USP33: variants seen among roughly 807,000 people sequenced by gnomAD.
The protein encoded by USP33 is ubiquitin carboxyl-terminal hydrolase 33.
USP33 carries 46 observed loss-of-function variants against 124.2 expected under a neutral mutation model. The observed-to-expected ratio is 0.37, with a 90% CI of 0.29 to 0.47. USP33 has a LOEUF of 0.47. USP33 is among the 20% of genes least tolerant of loss of function. The pLI is 0.99. For missense variants in USP33, 851 were observed against 1,070.6 expected, an observed-to-expected ratio of 0.79 and a Z score of 2.86; for synonymous variants, 350 against 352.3, an observed-to-expected ratio of 0.99 and a Z score of 0.07.
chr1:77,696,372 T>C lies in USP33; in HGVS notation c.*945A>G, dbSNP rs1369770011. 2 of 152,656 alleles carry C rather than the reference T, an allele frequency of 1.3e-5. No homozygotes were observed. The highest frequency in any genetic ancestry group is 1.5e-5 in the Non-Finnish European group (1 of 68,044). 9.5% of individuals were successfully genotyped at this position (152,656 alleles called of 1,614,324 possible). ...TTACAGGAATTGAAGTTTAACATTGTACAATATAAGCGGCAATAAGTTACT... is the reference window on the plus strand; with the variant it reads ...TTACAGGAATTGAAGTTTAACATTGCACAATATAAGCGGCAATAAGTTACT... On this transcript the variant is annotated 3_prime_UTR_variant, in exon 24 of 24. Transcript: ENST00000370794.
intron 12 of USP33, among the ~76,000 whole-genome samples, chr1:77,723,110 G>T (rs1676759054): frequency 6.6e-6 from 1 of 152,154 alleles, no homozygotes; most frequent in African/African-American, 2.4e-5. Context: ...AGGATAATAT[G>T]TGCCTGTCCA....
chr1:77,710,251 A>G (rs1675103582), intron 21 of USP33, among the ~76,000 whole-genome samples: 1 of 151,972 alleles, frequency 6.6e-6, no homozygotes. Flanking sequence ...GGTTATAAAC[A>G]CCATTCTTGG....
chr1:77,751,882 G>A (rs1455300315), intron 1 of USP33, among the ~76,000 whole-genome samples: 3 of 151,958 alleles, frequency 2.0e-5, no homozygotes, highest in African/African-American at 7.2e-5. Context: ...TAGAGATGGG[G>A]TTTCACTGTG....
At chr1:77,759,358 C>G in intron 1 of USP33, 3 of 376,016 alleles carry the variant, frequency 8.0e-6, no homozygotes, top group Non-Finnish European at 1.4e-5. Flanking sequence ...CTGCACCTCC[C>G]GCTTCCAGGG....
intron 22 of USP33, among the ~76,000 whole-genome samples, chr1:77,700,688 T>C (rs564807819): frequency 1.7e-3 from 264 of 150,938 alleles, no homozygotes; most frequent in South Asian, 4.0e-3. Flanking sequence ...CTTTTTCACA[T>C]ATCAGAATCT....
chr1:77,756,530 C>CG, intron 1 of USP33, among the ~76,000 whole-genome samples: 1 of 152,160 alleles, frequency 6.6e-6, no homozygotes, highest in East Asian at 1.9e-4. Context: ...CAAGCCCTAC[C>CG]TAACCAGTGT....
chr1:77,744,201 T>G (rs186637410), intron 1 of USP33, among the ~76,000 whole-genome samples: 1 of 150,802 alleles, frequency 6.6e-6, no homozygotes, highest in East Asian at 1.9e-4. Flanking sequence ...GAACAAAGCT[T>G]AAGGACATTT....
intron 9 of USP33, among the ~76,000 whole-genome samples, chr1:77,729,266 C>T (rs1215685894): frequency 6.6e-6 from 1 of 150,470 alleles, no homozygotes; most frequent in Non-Finnish European, 1.5e-5. Context: ...GATGCAGGGG[C>T]TTATGCTTGT....
At chr1:77,740,413 G>C (rs1328354064) in intron 4 of USP33, among the ~76,000 whole-genome samples, 4 of 151,598 alleles carry the variant, frequency 2.6e-5, no homozygotes, top group Non-Finnish European at 5.9e-5. Flanking sequence ...GAGTGCAATG[G>C]CACGATCTCG....
intron 22 of USP33, among the ~76,000 whole-genome samples, chr1:77,699,212 T>TGCC (rs1673740292): frequency 2.6e-5 from 4 of 152,150 alleles, no homozygotes. Context: ...TCAGTCAGAA[T>TGCC]GCCAGTTATT....
At chr1:77,732,326 TA>T (rs1677918866) in intron 7 of USP33, among the ~76,000 whole-genome samples, 1 of 152,086 alleles carries the variant, frequency 6.6e-6, no homozygotes, top group South Asian at 2.1e-4. Flanking sequence ...ATCATCCTCC[TA>T]AAAGTGTTTA....
At chr1:77,741,120 A>G (rs1350997372) in intron 3 of USP33, among the ~76,000 whole-genome samples, 181 bp from the exon 4 acceptor site, 1 of 152,224 alleles carries the variant, frequency 6.6e-6, no homozygotes, top group Non-Finnish European at 1.5e-5. Flanking sequence ...AAACCAGGAT[A>G]TATTTCTAAG....
At chr1:77,735,771 A>G (rs2101517630) in intron 6 of USP33, among the ~76,000 whole-genome samples, 1 of 152,212 alleles carries the variant, frequency 6.6e-6, no homozygotes, top group South Asian at 2.1e-4. Context: ...CTGACAATAG[A>G]AAAATGAGAA....
intron 21 of USP33, among the ~76,000 whole-genome samples, chr1:77,711,112 A>C (rs1401739587): frequency 1.3e-5 from 2 of 152,350 alleles, no homozygotes; most frequent in Non-Finnish European, 2.9e-5. Flanking sequence ...TAGTACATGC[A>C]GTCTGGATAG....
chr1:77,750,182 G>A (rs1268011911), intron 1 of USP33, among the ~76,000 whole-genome samples: 1 of 152,090 alleles, frequency 6.6e-6, no homozygotes, highest in Non-Finnish European at 1.5e-5. Flanking sequence ...GCCGTGCATA[G>A]TGGTGGGTGC....
chr1:77,725,538 A>T, intron 11 of USP33, 84 bp downstream of exon 11: 1 of 1,467,444 alleles, frequency 6.8e-7, no homozygotes, highest in Non-Finnish European at 9.2e-7. Flanking sequence ...TTTCATAATT[A>T]ACACTTTAAA....
At chr1:77,698,857 G>A (rs115715356) in intron 22 of USP33, among the ~76,000 whole-genome samples, 3,826 of 152,068 alleles carry the variant, frequency 0.025, 122 homozygotes, top group African/African-American at 0.088. Flanking sequence ...TACCACTAAT[G>A]CTATAAAATA....
chr1:77,735,793 A>G (rs1452304921), intron 6 of USP33, among the ~76,000 whole-genome samples: 1 of 152,224 alleles, frequency 6.6e-6, no homozygotes, highest in Non-Finnish European at 1.5e-5. Context: ...CACTGTTCAA[A>G]CAGACCTCAA....
In USP33 at chr1:77,748,182, G is replaced by A. The variant is rs562544443; in HGVS notation, c.-51-6434C>T. Among the ~76,000 whole-genome samples the A allele has an allele frequency of 5.9e-5, 9 of 152,214 alleles. No individual in the cohort carries two copies. In the South Asian group the frequency reaches 1.7e-3, roughly 28 times the overall value. ...TCTTATTTCAAGGGGAGGAGTTTTAGTTCTTATTTTCTGATATTAACACCA... is the reference window on the plus strand; with the variant it reads ...TCTTATTTCAAGGGGAGGAGTTTTAATTCTTATTTTCTGATATTAACACCA... On this transcript the variant is annotated intron_variant, in intron 1 of 23. Transcript: ENST00000370794.
Sources: allele counts gnomAD v4.1 joint callset (sites outside exome capture counted in the v4.1 genomes callset), GRCh38; gene constraint gnomAD v4.1.1; transcripts MANE v1.5; gene names NCBI Gene and HGNC (gene_info 2026-07-23, HGNC 2026-07-21).